The following C12orf57 variants were observed in gnomAD, a reference collection of about 807,000 sequenced individuals.
The protein encoded by C12orf57 is chromosome 12 open reading frame 57.
C12orf57 carries 14 observed loss-of-function variants against 11.3 expected under a neutral mutation model. The ratio of observed to expected loss-of-function variants is 1.24; its 90% CI spans 0.82 to 1.94. The LOEUF (loss-of-function observed/expected upper bound fraction) is 1.94, where lower values mean the gene tolerates loss of function less well. Among genes scored for constraint, C12orf57 ranks in the 30% most tolerant of loss-of-function variants. The pLI, the probability that C12orf57 is intolerant of heterozygous loss-of-function variation, is 0.00. For synonymous variants in C12orf57, 100 were observed against 74.6 expected (o/e 1.34, Z -1.76); for missense variants, 229 against 172.4 (o/e 1.33, Z -1.84).
chr12:6,943,914 A>T (rs761234400), upstream of C12orf57: 25 of 1,230,074 alleles, frequency 2.0e-5, no homozygotes, highest in East Asian at 4.9e-4. Flanking sequence ...GATTGTTTTC[A>T]CTGTGCAAAA....
upstream of C12orf57, chr12:6,943,550 G>T: frequency 7.8e-7 from 1 of 1,289,062 alleles, no homozygotes; most frequent in African/African-American, 1.5e-5. Flanking sequence ...AGGTCTCCGG[G>T]CTTAACAACA....
At chr12:6,943,778 T>C (rs1256354758), upstream of C12orf57, 1 of 975,452 alleles carries the variant, frequency 1.0e-6, no homozygotes, top group East Asian at 4.9e-5. Context: ...ATTGTGGAGT[T>C]CCTTTATATC....
At chr12:6,943,770 T>A (rs1464555170), upstream of C12orf57, 3 of 1,055,632 alleles carry the variant, frequency 2.8e-6, no homozygotes, top group African/African-American at 1.7e-5. Context: ...CCTCATCAAT[T>A]GTGGAGTTCC....
rs1555146012 is a variant in C12orf57 at position 6,944,530 on chromosome 12, T to C, written c.107T>C (p.Met36Thr). 5.6e-6 allele frequency: 9 copies of C among 1,613,878 alleles called. No individual in the cohort carries two copies. Among genetic ancestry groups the C allele is most frequent in the Admixed American group, 5.0e-5 (3 of 60,010 alleles). The change falls in exon 2 of 3, where the codon ATG (methionine) becomes ACG (threonine). Residue 36 changes from methionine (M) to threonine (T), a missense_variant. By Grantham distance (81) the Met-to-Thr change is moderately conservative (BLOSUM62 -1). Transcript: ENST00000229281. The stretch of plus-strand genomic sequence containing the variant: ...TCCGCCCCGGAGAATGCAGTGCGCA[T>C]GGACGAGGCTCGGGATAACGCCTGC... ...AFSAPENAVR[M>T]DEARDNACND...
upstream of C12orf57, chr12:6,943,920 C>CAAA: frequency 7.8e-7 from 1 of 1,288,382 alleles, no homozygotes; most frequent in South Asian, 1.4e-5. Flanking sequence ...TTTCACTGTG[C>CAAA]AAAAATTATG....
In C12orf57 at chr12:6,945,832, C is replaced by T. The variant is rs782133839; in HGVS notation, c.291C>T (p.Ser97=). The change falls in exon 3 of 3, where the codon AGC becomes AGT. Residue 97 remains serine, a synonymous_variant. Coordinates refer to ENST00000229281, the MANE Select transcript of C12orf57 (RefSeq NM_138425.4). ...AAGCCCAGGATCCTGAGATCGCCAG[C>T]CTGTCAGGCAAGCTGAAGGCGCTGT... The part of the protein sequence containing the change: ...SYEAQDPEIA[S]LSGKLKALFL... 7 of 1,612,112 alleles carry T rather than the reference C, an allele frequency of 4.3e-6. No homozygotes were observed. The highest frequency in any genetic ancestry group is 5.9e-6 in the Non-Finnish European group (7 of 1,179,210).
intron 2 of C12orf57, 127 bp from the exon 3 acceptor site, chr12:6,945,644 C>A (rs1945785637): frequency 2.1e-6 from 2 of 944,734 alleles, no homozygotes; most frequent in Non-Finnish European, 3.4e-6. Context: ...GGCCTGCATG[C>A]GTCCTGTTTG....
chr12:6,944,632 G>A lies in C12orf57; in HGVS notation c.209G>A (p.Gly70Asp). ...QIQQEVIKAY[G>D]FSCDGEGVLK... ...CAGCAGGAGGTTATCAAAGCCTATGGCTTCAGCTGCGACGGGGAAGGTGGG... is the reference window on the plus strand; with the variant it reads ...CAGCAGGAGGTTATCAAAGCCTATGACTTCAGCTGCGACGGGGAAGGTGGG... The change falls in exon 2 of 3, where the codon GGC (glycine) becomes GAC (aspartate). Residue 70 changes from glycine to aspartate, a missense_variant. Transcript: ENST00000229281. 1 of 1,612,910 alleles carries A rather than the reference G, an allele frequency of 6.2e-7. No homozygotes were observed. The highest frequency in any genetic ancestry group is 8.5e-7 in the Non-Finnish European group (1 of 1,178,992).
At chr12:6,943,771 G>C (rs1170368489), upstream of C12orf57, 2 of 1,055,652 alleles carry the variant, frequency 1.9e-6, no homozygotes, top group East Asian at 4.9e-5. Context: ...CTCATCAATT[G>C]TGGAGTTCCT....
upstream of C12orf57, chr12:6,944,013 A>ATGC (rs1481465644): frequency 4.9e-4 from 783 of 1,601,172 alleles, 1 homozygote; most frequent in Non-Finnish European, 6.5e-4. Flanking sequence ...GCTGCGCCGG[A>ATGC]TGCTGTTTCC....
At chr12:6,945,689 A>G in intron 2 of C12orf57, 82 bp from the exon 3 acceptor site, 1 of 1,454,216 alleles carries the variant, frequency 6.9e-7, no homozygotes, top group South Asian at 1.2e-5. Context: ...GGAGCAGTTC[A>G]TGCTTAGACT....
At chr12:6,943,922 A>G (rs3087835), upstream of C12orf57, 433,123 of 1,311,574 alleles carry the variant, frequency 0.33, 80,536 homozygotes, top group African/African-American at 0.8. Context: ...TCACTGTGCA[A>G]AAATTATGGG....
intron 2 of C12orf57, 69 bp from the exon 3 acceptor site, chr12:6,945,702 C>A: frequency 6.5e-7 from 1 of 1,534,086 alleles, no homozygotes; most frequent in Non-Finnish European, 8.9e-7. Flanking sequence ...CTTAGACTAC[C>A]ACCCCCTCCA....
chr12:6,944,202 C>G, intron 1 of C12orf57, 29 bp downstream of exon 1: 1 of 1,565,848 alleles, frequency 6.4e-7, no homozygotes, highest in East Asian at 2.3e-5. Context: ...AAGGCATAGG[C>G]TGCTGGCCTG....
chr12:6,944,114 G>A lies in C12orf57; in HGVS notation c.-8G>A, dbSNP rs782493465. On this transcript the variant is annotated 5_prime_UTR_variant, in exon 1 of 3. Coordinates refer to ENST00000229281, the MANE Select transcript of C12orf57 (RefSeq NM_138425.4). Reference sequence around the variant, plus strand: ...TACCTCCGCTGAACCTAGAGCTTCAGACGCCCTATGGCGTCCGCCTCGACC... The same window carrying A: ...TACCTCCGCTGAACCTAGAGCTTCAAACGCCCTATGGCGTCCGCCTCGACC... 89 of 1,614,226 alleles carry A rather than the reference G, an allele frequency of 5.5e-5. No homozygotes were observed. The highest frequency in any genetic ancestry group is 1.6e-4 in the Middle Eastern group (1 of 6,062).
chr12:6,944,068 T>C lies in C12orf57; in HGVS notation c.-54T>C, dbSNP rs1555145746. ...TGGGAACGGTTGTAGGACGTGGCTC[T>C]TTATTCGTGAGTTTTCCATTTACCT... is the stretch of plus-strand genomic sequence containing the variant. On this transcript the variant is annotated 5_prime_UTR_variant, in exon 1 of 3. Coordinates refer to ENST00000229281, the MANE Select transcript of C12orf57 (RefSeq NM_138425.4). 19 of 1,613,430 alleles carry C rather than the reference T, an allele frequency of 1.2e-5. No homozygotes were observed. The highest frequency in any genetic ancestry group is 4.4e-5 in the South Asian group (4 of 91,082).
rs1555145973 is a variant in C12orf57, at chr12:6,944,458, G to C, written c.53-18G>C. On this transcript the variant is annotated intron_variant, in intron 1 of 2. Coordinates refer to ENST00000229281, the MANE Select transcript of C12orf57 (RefSeq NM_138425.4). ...ACGCCTACCCGGGACGCCTCCCTGG[G>C]ATGCTTCTGGCGCGCAGTGGTCCTC... is the stretch of plus-strand genomic sequence containing the variant. The C allele has an allele frequency of 3.7e-6, 6 of 1,609,070 alleles. No homozygotes were observed. The Admixed American group carries it at 1.0e-4, about 27-fold the overall frequency.
intron 2 of C12orf57, 123 bp downstream of exon 2, chr12:6,944,775 TCTGA>T (rs782066901): frequency 2.5e-5 from 39 of 1,541,948 alleles, no homozygotes; most frequent in Non-Finnish European, 3.1e-5. Flanking sequence ...GCAGCCACAA[TCTGA>T]CTAACATTCT....
chr12:6,943,858 G>T (rs781962342), upstream of C12orf57: 22 of 940,456 alleles, frequency 2.3e-5, no homozygotes, highest in African/African-American at 6.7e-5. Flanking sequence ...AGGCTTTCTG[G>T]CTTTTTACCG....
Sources: allele counts gnomAD v4.1 joint callset, GRCh38; gene constraint gnomAD v4.1.1; transcripts MANE v1.5; gene names NCBI Gene and HGNC (gene_info 2026-07-23, HGNC 2026-07-21).